Variants in CCDC18 observed in about 807,000 individuals in gnomAD.
CCDC18 encodes coiled-coil domain-containing protein 18.
A neutral mutation model predicts 196.0 loss-of-function variants in CCDC18; 157 were observed. The observed-to-expected ratio is 0.80, with a 90% CI of 0.70 to 0.91. The LOEUF (loss-of-function observed/expected upper bound fraction) is 0.91, where lower values mean the gene tolerates loss of function less well. Among genes scored for constraint, CCDC18 ranks in the 40% least tolerant of loss-of-function variants. The probability of loss-of-function intolerance (pLI) is 0.00; values close to 1 mark genes in which losing one functional copy is unlikely to be tolerated. For missense variants in CCDC18, 1,465 were observed against 1,611.6 expected (o/e 0.91, Z 1.56); for synonymous variants, 482 against 529.2 (o/e 0.91, Z 1.22).
chr1:93,203,944 G>A (rs1654279119), intron 7 of CCDC18, among the ~76,000 whole-genome samples: 1 of 152,130 alleles, frequency 6.6e-6, no homozygotes, highest in Non-Finnish European at 1.5e-5. Context: ...AAAGTAGAAG[G>A]CACAACCTCT....
chr1:93,247,023 C>A (rs988278388), intron 23 of CCDC18, 69 bp downstream of exon 23: 3 of 678,530 alleles, frequency 4.4e-6, no homozygotes, highest in Non-Finnish European at 5.1e-6. Flanking sequence ...TAAAAACACC[C>A]CTTCAAATAG....
intron 18 of CCDC18, among the ~76,000 whole-genome samples, chr1:93,235,136 G>A (rs1343239851): frequency 6.6e-6 from 1 of 151,702 alleles, no homozygotes; most frequent in African/African-American, 2.4e-5. Context: ...GATATTAATG[G>A]TTTATGATCT....
chr1:93,264,447 T>A (rs1178483421), intron 26 of CCDC18, among the ~76,000 whole-genome samples: 1 of 152,216 alleles, frequency 6.6e-6, no homozygotes, highest in African/African-American at 2.4e-5. Context: ...TTATAGTTTA[T>A]TTGTTCAAAT....
At chr1:93,188,677 A>T (rs1287941713) in intron 4 of CCDC18, among the ~76,000 whole-genome samples, 1 of 152,002 alleles carries the variant, frequency 6.6e-6, no homozygotes, top group Non-Finnish European at 1.5e-5. Context: ...TTTATGGTAG[A>T]TGGTAGTTCT....
intron 19 of CCDC18, among the ~76,000 whole-genome samples, chr1:93,238,612 C>T (rs1292389267): frequency 6.6e-6 from 1 of 152,120 alleles, no homozygotes; most frequent in East Asian, 1.9e-4. Flanking sequence ...GTAACATTAA[C>T]AATTGTTTAA....
At chr1:93,259,605 T>TTG (rs1049948107) in intron 26 of CCDC18, among the ~76,000 whole-genome samples, 4 of 152,206 alleles carry the variant, frequency 2.6e-5, no homozygotes, top group African/African-American at 9.6e-5. Flanking sequence ...TTGGTAGGGC[T>TTG]TGTGGGGACC....
chr1:93,191,505 A>G (rs866127635), intron 4 of CCDC18, among the ~76,000 whole-genome samples: 1 of 152,068 alleles, frequency 6.6e-6, no homozygotes, highest in Non-Finnish European at 1.5e-5. Flanking sequence ...TCTCTTCTAT[A>G]CCATTTAGAT....
Position 93,270,392 on chromosome 1 carries a change from A to G in CCDC18, c.3931A>G (p.Lys1311Glu). ...ACAGGCCAAAATTTCTGGACATGAA[A>G]AGGCAGAAGACATCAAGTTTCTGCC... is the stretch of plus-strand genomic sequence containing the variant. ...RLQAKISGHEKAEDIKFLPAP... is the reference protein window; with the variant it reads ...RLQAKISGHEEAEDIKFLPAP... The change falls in exon 28 of 29, where the codon AAG (lysine) becomes GAG (glutamate). Residue 1311 changes from lysine (K) to glutamate (E), a missense_variant. Physicochemically the swap from Lys to Glu is moderately conservative, Grantham distance 56. Transcript: ENST00000690025. The G allele has an allele frequency of 6.5e-7, 1 of 1,549,912 alleles. No homozygotes were observed. The highest frequency in any genetic ancestry group is 8.7e-7 in the Non-Finnish European group (1 of 1,146,536).
At chr1:93,277,220 C>T (rs1665667191) in intron 28 of CCDC18, among the ~76,000 whole-genome samples, 1 of 29,164 alleles carries the variant, frequency 3.4e-5, no homozygotes, top group Non-Finnish European at 5.8e-5. Context: ...GGGTTTTATA[C>T]CGAGACATTC....
rs1240549648 is a variant in CCDC18 at position 93,270,625 on chromosome 1, A to G, written c.4164A>G (p.Thr1388=). ...AAATGCAATTAGAACAGCCTTCAACATTAGAAGAAAGCCATAAGAATCTGA... is the reference window on the plus strand; with the variant it reads ...AAATGCAATTAGAACAGCCTTCAACGTTAGAAGAAAGCCATAAGAATCTGA... The part of the protein sequence containing the change: ...LKKMQLEQPS[T]LEESHKNLTY... Residue 1388 remains threonine (T), a synonymous_variant, in exon 28 of 29, where the codon ACA becomes ACG. Transcript: ENST00000690025. The G allele has an allele frequency of 6.4e-7, 1 of 1,550,448 alleles. No individual in the cohort carries two copies. The highest frequency in any genetic ancestry group is 8.7e-7 in the Non-Finnish European group (1 of 1,146,898).
chr1:93,236,212 T>A (rs780904535), intron 18 of CCDC18, 36 bp from the exon 19 acceptor site: 2 of 1,526,026 alleles, frequency 1.3e-6, no homozygotes, highest in East Asian at 2.4e-5. Flanking sequence ...ATTTTTCTTC[T>A]GAATTTAAAA....
At position 93,270,810 on chromosome 1, in the gene CCDC18, A is replaced by G. The variant is rs542142181; in HGVS notation, c.4349A>G (p.Asn1450Ser). Residue 1450 changes from asparagine (N) to serine (S), a missense_variant, in exon 28 of 29, where the codon AAT becomes AGT. Transcript: ENST00000690025. ...TCTATGCAAACAGGTGCTGGTTTAA[A>G]TCAGGTATGTATTTTATACACTGTA... ...KSSMQTGAGL[N>S]QGENV 1.5e-4 allele frequency: 231 copies of G among 1,525,144 alleles called. 2 individuals carry two copies. In the South Asian group the frequency reaches 2.2e-3, roughly 15 times the overall value. The allele number at this position is 1,525,144 out of a possible 1,614,324, so 94.5% of individuals were successfully genotyped here.
chr1:93,263,246 A>G lies in CCDC18; in HGVS notation c.3685-1455A>G, dbSNP rs546372749. Among the ~76,000 whole-genome samples the G allele has an allele frequency of 4.6e-5, 7 of 152,036 alleles. No homozygotes were observed. In the South Asian group the frequency reaches 1.5e-3, roughly 32 times the overall value. On this transcript the variant is annotated intron_variant, in intron 26 of 28. Coordinates refer to ENST00000690025, the MANE Select transcript of CCDC18 (RefSeq NM_001378204.1). ...GCAATATTTAGCTCCTCATTACTTA[A>G]GAAGATTTCTGCAGCGAGCTTGAAT... is the stretch of plus-strand genomic sequence containing the variant.
rs1650705330 is a variant in CCDC18 at position 93,186,521 on chromosome 1, A to C, written c.462+18A>C. The stretch of plus-strand genomic sequence containing the variant: ...GAGCAAAAGTATGTATCTTGAAATA[A>C]GTTTGCCAACAGAAAATAGTTGTTA... On this transcript the variant is annotated intron_variant, in intron 4 of 28. Transcript: ENST00000690025. 6.4e-7 allele frequency: 1 copy of C among 1,564,298 alleles called. No individual in the cohort carries two copies. Among genetic ancestry groups the C allele is most frequent in the Non-Finnish European group, 8.7e-7 (1 of 1,155,276 alleles).
intron 3 of CCDC18, among the ~76,000 whole-genome samples, 153 bp from the exon 4 acceptor site, chr1:93,186,192 C>T (rs965181875): frequency 6.6e-6 from 1 of 151,936 alleles, no homozygotes; most frequent in Non-Finnish European, 1.5e-5. Flanking sequence ...ATTGATTGTT[C>T]CACATATCCT....
chr1:93,231,939 G>A (rs539736812), intron 17 of CCDC18, among the ~76,000 whole-genome samples: 5 of 152,150 alleles, frequency 3.3e-5, no homozygotes, highest in Non-Finnish European at 7.4e-5. Flanking sequence ...ATAAAACCAT[G>A]GCTGCCTATG....
chr1:93,196,321 C>T (rs1425569003), intron 6 of CCDC18, among the ~76,000 whole-genome samples: 2 of 151,262 alleles, frequency 1.3e-5, no homozygotes, highest in Non-Finnish European at 2.9e-5. Context: ...AAGATTGTGT[C>T]TCAAAAAAGA....
At chr1:93,236,183 G>A in intron 18 of CCDC18, 65 bp from the exon 19 acceptor site, 1 of 1,299,080 alleles carries the variant, frequency 7.7e-7, no homozygotes, top group East Asian at 2.6e-5. Flanking sequence ...GATAAGCTAG[G>A]TTACATATTT....
chr1:93,203,592 A>G (rs898248039), intron 7 of CCDC18, among the ~76,000 whole-genome samples: 1 of 152,204 alleles, frequency 6.6e-6, no homozygotes, highest in East Asian at 1.9e-4. Flanking sequence ...GGAAAGTATA[A>G]TAAGAAAAGC....
Sources: allele counts gnomAD v4.1 joint callset (sites outside exome capture counted in the v4.1 genomes callset), GRCh38; gene constraint gnomAD v4.1.1; transcripts MANE v1.5; gene names NCBI Gene and HGNC (gene_info 2026-07-23, HGNC 2026-07-21).